The following C2CD3 variants were observed in gnomAD, a reference collection of about 807,000 sequenced individuals.
C2CD3 encodes C2 domain-containing protein 3.
C2CD3 carries 148 observed loss-of-function variants against 234.0 expected under a neutral mutation model. That is an observed-to-expected ratio of 0.63 (90% CI 0.55 to 0.72). The LOEUF (loss-of-function observed/expected upper bound fraction) is 0.72, where lower values mean the gene tolerates loss of function less well. C2CD3 is among the 30% of genes least tolerant of loss of function. C2CD3 has a pLI of 0.00. For synonymous variants in C2CD3, 1,000 were observed against 1,035.4 expected (o/e 0.97, Z 0.66); for missense variants, 2,577 against 2,811.5 (o/e 0.92, Z 1.89).
chr11:74,071,757 T>G (rs755852224), intron 24 of C2CD3, among the ~76,000 whole-genome samples: 80 of 152,320 alleles, frequency 5.3e-4, no homozygotes, highest in Non-Finnish European at 9.8e-4. Context: ...GCATTTCCTT[T>G]GAGCACCAAG....
At chr11:74,014,278 C>A (rs1224967041) in intron 32 of C2CD3, among the ~76,000 whole-genome samples, 1 of 152,166 alleles carries the variant, frequency 6.6e-6, no homozygotes, top group Admixed American at 6.5e-5. Flanking sequence ...AAGTGGGGGC[C>A]TGATAGGGGA....
intron 8 of C2CD3, among the ~76,000 whole-genome samples, chr11:74,121,109 T>TC (rs1423687027): frequency 1.3e-5 from 2 of 151,538 alleles, no homozygotes; most frequent in Admixed American, 1.3e-4. Context: ...GTTAGAGAGG[T>TC]CAGTCAGGGT....
rs752140490 is a variant in C2CD3 at position 74,103,533 on chromosome 11, A to C, written c.2178T>G (p.Pro726=). 6.2e-7 allele frequency: 1 copy of C among 1,614,126 alleles called. No homozygotes were observed. The highest frequency in any genetic ancestry group is 2.2e-5 in the East Asian group (1 of 44,890). Reference sequence around the variant, plus strand: ...CTGGTAGTGCCTTATTTGGACTTGTAGGAGCACAAAGTGGGGTATAATGGG... The same window carrying C: ...CTGGTAGTGCCTTATTTGGACTTGTCGGAGCACAAAGTGGGGTATAATGGG... ...GNTHYTPLCA[P]TSPNKALPEL... is the part of the protein sequence containing the mutation. The change falls in exon 14 of 33, where the codon CCT becomes CCG. Residue 726 remains proline, a synonymous_variant. Coordinates refer to ENST00000334126, the MANE Select transcript of C2CD3 (RefSeq NM_001286577.2).
chr11:74,070,379 T>G (rs1954738490), intron 24 of C2CD3: 1 of 152,244 alleles, frequency 6.6e-6, no homozygotes, highest in African/African-American at 2.4e-5. Context: ...AAGGTTTGCA[T>G]GAAGGAACCA....
intron 31 of C2CD3, among the ~76,000 whole-genome samples, chr11:74,029,093 G>C (rs1405096912): frequency 1.3e-5 from 2 of 152,210 alleles, no homozygotes; most frequent in African/African-American, 4.8e-5. Context: ...TAGAAGGCAG[G>C]TACTGTTATC....
intron 20 of C2CD3, among the ~76,000 whole-genome samples, chr11:74,087,822 T>C (rs1955709131): frequency 6.6e-6 from 1 of 152,176 alleles, no homozygotes; most frequent in Non-Finnish European, 1.5e-5. Context: ...GTAGCCTCAA[T>C]TCCTTAGCTT....
rs193243248 is a variant in C2CD3 at position 74,164,167 on chromosome 11, G to A, written c.326-2611C>T. ...GACTTCTGACCTTTATACTTCACTT[G>A]TTGTGGAATTAGAATCCCTACTGTC... is the stretch of plus-strand genomic sequence containing the variant. On this transcript the variant is annotated intron_variant, in intron 2 of 32. Transcript: ENST00000334126. 87 of 972,912 alleles carry A rather than the reference G, an allele frequency of 8.9e-5. 1 individual carries two copies. Among genetic ancestry groups the A allele is most frequent in the Non-Finnish European group, 1.2e-5 (10 of 818,726 alleles). 60.3% of individuals were successfully genotyped at this position (972,912 alleles called of 1,614,324 possible).
At chr11:74,082,172 G>C (rs112280358) in intron 22 of C2CD3, among the ~76,000 whole-genome samples, 2,628 of 150,914 alleles carry the variant, frequency 0.017, 80 homozygotes, top group African/African-American at 0.061. Flanking sequence ...GCCCAGGCTG[G>C]AGTGCAGTGG....
At position 74,076,102 on chromosome 11, in the gene C2CD3, C is replaced by T. The variant is rs1318527862; in HGVS notation, c.4604-1502G>A. Among the ~76,000 whole-genome samples, 6 of 152,200 alleles carry T rather than the reference C, an allele frequency of 3.9e-5. 1 individual carries two copies. The highest frequency in any genetic ancestry group is 3.3e-4 in the Admixed American group (5 of 15,276). ...GAAGCTAAAAGCCTGTCTTTATAAA[C>T]TTTAGTTTAAGTGAACTTGGTTCAC... On this transcript the variant is annotated intron_variant, in intron 23 of 32. Coordinates refer to ENST00000334126, the MANE Select transcript of C2CD3 (RefSeq NM_001286577.2).
chr11:74,025,026 A>C (rs1952232755), intron 32 of C2CD3, among the ~76,000 whole-genome samples: 1 of 152,208 alleles, frequency 6.6e-6, no homozygotes, highest in Non-Finnish European at 1.5e-5. Context: ...CAAAGAAAAA[A>C]GGCTGAAAAG....
At chr11:74,055,090 G>A (rs887326229) in intron 25 of C2CD3, among the ~76,000 whole-genome samples, 10 of 152,206 alleles carry the variant, frequency 6.6e-5, no homozygotes, top group African/African-American at 1.7e-4. Context: ...CTTGGGCCAG[G>A]CATGGCACCA....
intron 31 of C2CD3, among the ~76,000 whole-genome samples, chr11:74,033,083 G>A (rs1194550408): frequency 6.6e-6 from 1 of 152,132 alleles, no homozygotes; most frequent in African/African-American, 2.4e-5. Flanking sequence ...CCTTCAGGTG[G>A]TAAAATACCC....
Position 74,118,209 on chromosome 11 carries a change from AAC to A in C2CD3, c.1520+17_1520+18del. 6.3e-7 allele frequency: 1 copy of A among 1,599,422 alleles called. No individual in the cohort carries two copies. Among genetic ancestry groups the A allele is most frequent in the Admixed American group, 1.8e-5 (1 of 57,054 alleles). ...ATTCCTTTGTGTTTACCTTTAAATAAACAGTCAGAGCAGCTCACCTATTTCTC... is the reference window on the plus strand; with the variant it reads ...ATTCCTTTGTGTTTACCTTTAAATAAAGTCAGAGCAGCTCACCTATTTCTC... On this transcript the variant is annotated intron_variant, in intron 9 of 32. Coordinates refer to ENST00000334126, the MANE Select transcript of C2CD3 (RefSeq NM_001286577.2).
At chr11:74,152,179 G>C (rs1223408108) in intron 3 of C2CD3, among the ~76,000 whole-genome samples, 1 of 152,194 alleles carries the variant, frequency 6.6e-6, no homozygotes, top group East Asian at 1.9e-4. Context: ...AGAAAAAAAT[G>C]AGAAAACAAA....
Position 74,048,246 on chromosome 11 carries a change from A to G in C2CD3, c.5454T>C (p.Ala1818=). 1.9e-6 allele frequency: 3 copies of G among 1,613,720 alleles called. No homozygotes were observed. The highest frequency in any genetic ancestry group is 2.2e-5 in the East Asian group (1 of 44,860). ...AATCAAGCTCCTTTGAGGAGGCATG[A>G]GCAAGTTGGTCTAGGGTCTGCCTTG... The part of the protein sequence containing the change: ...HMARQTLDQL[A]HASSKELDFS... Residue 1818 remains alanine, a synonymous_variant, in exon 28 of 33, where the codon GCT becomes GCC. Transcript: ENST00000334126.
chr11:74,112,928 C>A (rs907491659), intron 11 of C2CD3, among the ~76,000 whole-genome samples: 3 of 152,176 alleles, frequency 2.0e-5, no homozygotes, highest in African/African-American at 4.8e-5. Flanking sequence ...TATGACCCAG[C>A]AATTCTACCA....
At chr11:74,145,996 T>C (rs1855157885) in intron 3 of C2CD3, among the ~76,000 whole-genome samples, 2 of 152,208 alleles carry the variant, frequency 1.3e-5, no homozygotes, top group Non-Finnish European at 2.9e-5. Flanking sequence ...TGGTAAAATA[T>C]ACAAACAAGA....
At chr11:74,125,325 A>G (rs1957373548) in intron 7 of C2CD3, among the ~76,000 whole-genome samples, 1 of 152,024 alleles carries the variant, frequency 6.6e-6, no homozygotes, top group Non-Finnish European at 1.5e-5. Flanking sequence ...ACACCAATAC[A>G]CTCGGCTAAT....
chr11:74,026,403 T>C (rs569124441), intron 32 of C2CD3, among the ~76,000 whole-genome samples: 43 of 151,726 alleles, frequency 2.8e-4, no homozygotes, highest in Non-Finnish European at 5.0e-4. Context: ...GCTGAGGAGG[T>C]TGGAAGAGGA....
Sources: gnomAD v4.1 joint callset for allele counts (sites outside exome capture counted in the v4.1 genomes callset) on GRCh38, gnomAD v4.1.1 for gene constraint, MANE v1.5 for transcripts, NCBI Gene and HGNC (gene_info 2026-07-23, HGNC 2026-07-21) for gene names.